The following MAMLD1 variants were observed in gnomAD, a reference collection of about 807,000 sequenced individuals.
MAMLD1 encodes the protein mastermind-like domain-containing protein 1.
Under a neutral mutation model 45.0 loss-of-function variants are expected in MAMLD1, and 14 were observed. That is an observed-to-expected ratio of 0.31 (90% confidence interval 0.21 to 0.49). MAMLD1 has a LOEUF of 0.49. Ranked by LOEUF, MAMLD1 falls within the 20% of genes least tolerant of loss-of-function variation. MAMLD1 has a pLI of 0.99. For synonymous variants in MAMLD1, 254 were observed against 247.8 expected, an observed-to-expected ratio of 1.02 and a Z score of -0.24; for missense variants, 543 against 603.6, an observed-to-expected ratio of 0.90 and a Z score of 1.05.
intron 1 of MAMLD1, among the ~76,000 whole-genome samples, chrX:150,401,274 C>T (rs1270060735): frequency 5.9e-4 from 62 of 105,943 alleles, no homozygotes; most frequent in Non-Finnish European, 9.7e-4. Context: ...TATACACCAA[C>T]AACAGACAAA....
chrX:150,510,755 G>T (rs1300702265), intron 7 of MAMLD1, among the ~76,000 whole-genome samples: 1 of 112,187 alleles, frequency 8.9e-6, no homozygotes, highest in African/African-American at 3.2e-5. Context: ...TTGTCTGAGG[G>T]CCAGAAGAGG....
At chrX:150,402,508 G>T (rs1325063110) in intron 1 of MAMLD1, among the ~76,000 whole-genome samples, 1 of 111,856 alleles carries the variant, frequency 8.9e-6, no homozygotes, top group Admixed American at 9.4e-5. Flanking sequence ...GTGGAAGTCA[G>T]TGTGGCGATT....
chrX:150,409,935 C>T (rs2034084621), intron 1 of MAMLD1, among the ~76,000 whole-genome samples: 2 of 112,293 alleles, frequency 1.8e-5, no homozygotes, highest in Admixed American at 1.9e-4. Flanking sequence ...GAAACTGGCT[C>T]CTATAATTGA....
chrX:150,504,672 A>G (rs1395736221), intron 6 of MAMLD1: 1 of 743,012 alleles, frequency 1.3e-6, no homozygotes, highest in South Asian at 6.8e-5. Flanking sequence ...TTTGGAAGCC[A>G]CAGATGAAAG....
chrX:150,392,901 C>T (rs7889710), intron 1 of MAMLD1, among the ~76,000 whole-genome samples: 14,096 of 110,455 alleles, frequency 0.13, 822 homozygotes, highest in African/African-American at 0.21. Context: ...CCATTACCTG[C>T]ATCCTGTATC....
intron 2 of MAMLD1, among the ~76,000 whole-genome samples, chrX:150,449,646 T>C (rs1164321393): frequency 9.0e-6 from 1 of 111,600 alleles, no homozygotes; most frequent in Non-Finnish European, 1.9e-5. Context: ...AGCAGGTTTC[T>C]TTCTTCTTGA....
chrX:150,489,777 G>A (rs139242312), intron 5 of MAMLD1, among the ~76,000 whole-genome samples: 1 of 110,121 alleles, frequency 9.1e-6, no homozygotes, highest in East Asian at 2.9e-4. Context: ...TCAGGCACCC[G>A]TATCGGGTTA....
At chrX:150,441,004 A>C (rs1398166582) in intron 1 of MAMLD1, among the ~76,000 whole-genome samples, 1 of 104,967 alleles carries the variant, frequency 9.5e-6, no homozygotes, top group Non-Finnish European at 1.9e-5. Flanking sequence ...TATTTAATAT[A>C]AATATTAATA....
intron 1 of MAMLD1, among the ~76,000 whole-genome samples, chrX:150,422,164 C>T (rs1452010737): frequency 2.7e-5 from 3 of 112,291 alleles, no homozygotes; most frequent in Non-Finnish European, 5.6e-5. Flanking sequence ...TAAGGAGAGG[C>T]GGTCACTGGA....
chrX:150,479,811 C>A (rs1418813609), intron 5 of MAMLD1, among the ~76,000 whole-genome samples: 1 of 111,966 alleles, frequency 8.9e-6, no homozygotes, highest in Non-Finnish European at 1.9e-5. Context: ...ACTACTATGT[C>A]CCCAGGTGAA....
chrX:150,471,127 G>A lies in MAMLD1; in HGVS notation c.1554G>A (p.Leu518=). Residue 518 remains leucine (L), a synonymous_variant, in exon 4 of 8, where the codon CTG becomes CTA. Transcript: ENST00000370401. The part of the protein sequence containing the change: ...KPISSNSSKT[L]SMIMQQGMAS... ...TAAGCAGCAACTCATCCAAAACCCTGAGCATGATCATGCAGCAGGGGATGG... is the reference window on the plus strand; with the variant it reads ...TAAGCAGCAACTCATCCAAAACCCTAAGCATGATCATGCAGCAGGGGATGG... The A allele has an allele frequency of 1.7e-6, 2 of 1,211,138 alleles. No homozygotes were observed. Among genetic ancestry groups the A allele is most frequent in the Non-Finnish European group, 2.2e-6 (2 of 895,382 alleles).
intron 3 of MAMLD1, among the ~76,000 whole-genome samples, chrX:150,465,103 G>A (rs782524636): frequency 8.9e-6 from 1 of 112,152 alleles, no homozygotes; most frequent in South Asian, 3.7e-4. Flanking sequence ...TTGCCCAATA[G>A]GAACAGTGCA....
chrX:150,392,925 T>G (rs1212006539), intron 1 of MAMLD1, among the ~76,000 whole-genome samples: 1 of 110,947 alleles, frequency 9.0e-6, no homozygotes, highest in Admixed American at 9.6e-5. Context: ...ATAACACATT[T>G]GCTACAATTG....
At chrX:150,468,893 C>T (rs782111208) in intron 3 of MAMLD1, among the ~76,000 whole-genome samples, 4 of 111,141 alleles carry the variant, frequency 3.6e-5, no homozygotes, top group Non-Finnish European at 5.7e-5. Context: ...AGGGAATTGC[C>T]AGTCATCCCA....
intron 3 of MAMLD1, among the ~76,000 whole-genome samples, chrX:150,468,386 A>G (rs1318851016): frequency 9.0e-6 from 1 of 111,113 alleles, no homozygotes; most frequent in Non-Finnish European, 1.9e-5. Context: ...TGAGCACTGT[A>G]TGTCCTAGTG....
At chrX:150,375,207 T>A (rs2124464749) in intron 1 of MAMLD1, among the ~76,000 whole-genome samples, 1 of 111,932 alleles carries the variant, frequency 8.9e-6, no homozygotes, top group East Asian at 2.8e-4. Flanking sequence ...GTGCTGGCCC[T>A]GGGTCTCATG....
At chrX:150,429,304 T>A (rs893702080) in intron 1 of MAMLD1, among the ~76,000 whole-genome samples, 21 of 107,890 alleles carry the variant, frequency 1.9e-4, no homozygotes, top group Non-Finnish European at 2.7e-4. Flanking sequence ...GGTTTTTTTT[T>A]AAATAAGAAA....
At chrX:150,444,745 C>T (rs1557404712) in intron 1 of MAMLD1, among the ~76,000 whole-genome samples, 1 of 111,773 alleles carries the variant, frequency 8.9e-6, no homozygotes, top group Non-Finnish European at 1.9e-5. Context: ...ATGTCTACAT[C>T]ATGAAAAACA....
chrX:150,442,153 T>C (rs1475150560), intron 1 of MAMLD1, among the ~76,000 whole-genome samples: 1 of 110,612 alleles, frequency 9.0e-6, no homozygotes, highest in Non-Finnish European at 1.9e-5. Context: ...TTTTCCATTA[T>C]TTTACTTTCA....
Sources: gnomAD v4.1 joint callset for allele counts (sites outside exome capture counted in the v4.1 genomes callset) on GRCh38, gnomAD v4.1.1 for gene constraint, MANE v1.5 for transcripts, NCBI Gene and HGNC (gene_info 2026-07-23, HGNC 2026-07-21) for gene names.